The following NDUFAF6 variants were observed in gnomAD, a reference collection of about 807,000 sequenced individuals.
The protein encoded by NDUFAF6 is NADH dehydrogenase (ubiquinone) complex I, assembly factor 6.
Under a neutral mutation model 40.8 loss-of-function variants are expected in NDUFAF6, and 45 were observed. The ratio of observed to expected loss-of-function variants is 1.10; its 90% CI spans 0.87 to 1.42. The LOEUF (loss-of-function observed/expected upper bound fraction) is 1.42, where lower values mean the gene tolerates loss of function less well. NDUFAF6 is among the 40% of genes most tolerant of loss of function. The probability of loss-of-function intolerance (pLI) is 0.00; values close to 1 mark genes in which losing one functional copy is unlikely to be tolerated. For missense variants in NDUFAF6, 435 were observed against 418.5 expected (o/e 1.04, Z -0.34); for synonymous variants, 185 against 155.9 (o/e 1.19, Z -1.39).
intron 2 of NDUFAF6, among the ~76,000 whole-genome samples, chr8:95,083,989 G>A (rs1416873247): frequency 2.6e-5 from 4 of 152,060 alleles, no homozygotes; most frequent in Non-Finnish European, 5.9e-5. Flanking sequence ...GACTTCTGTT[G>A]TAGATAAAAT....
In NDUFAF6 at chr8:95,032,022, C is replaced by T. The variant is rs34160178; in HGVS notation, c.225C>T (p.Cys75=). 1,508 of 1,614,022 alleles carry T rather than the reference C, an allele frequency of 9.3e-4. 11 individuals are homozygous for T. In the African/African-American group the frequency reaches 0.017, roughly 18 times the overall value. Residue 75 remains cysteine (C), a synonymous_variant, in exon 2 of 9, where the codon TGC becomes TGT. Coordinates refer to ENST00000396124, the MANE Select transcript of NDUFAF6 (RefSeq NM_152416.4). The part of the protein sequence containing the change: ...LRKRDYEGYL[C]SLLLPAESRS... ...AACGGGATTATGAAGGTTATTTATG[C>T]TCCCTGCTGCTCCCTGCAGAATCCC...
intron 1 of NDUFAF6, among the ~76,000 whole-genome samples, chr8:94,911,171 T>C (rs1009027432): frequency 3.3e-5 from 5 of 152,210 alleles, no homozygotes; most frequent in African/African-American, 1.2e-4. Context: ...TGTATTTGAC[T>C]TTTACAGCAA....
chr8:95,042,571 G>T (rs948138198), intron 4 of NDUFAF6, among the ~76,000 whole-genome samples: 1 of 152,164 alleles, frequency 6.6e-6, no homozygotes, highest in African/African-American at 2.4e-5. Flanking sequence ...AACAAACATT[G>T]ATCTATAGAT....
chr8:95,071,405 A>G (rs75478442), intron 9 of NDUFAF6, among the ~76,000 whole-genome samples: 2 of 27,844 alleles, frequency 7.2e-5, no homozygotes, highest in Admixed American at 4.1e-4. Context: ...CTCCAAAAGA[A>G]AAAAAAAAAA....
downstream of NDUFAF6, among the ~76,000 whole-genome samples, chr8:95,107,573 A>G (rs1414487464): frequency 6.6e-6 from 1 of 152,130 alleles, no homozygotes; most frequent in Non-Finnish European, 1.5e-5. Context: ...GCACGTGTAT[A>G]CCTATGTAAC....
intron 1 of NDUFAF6, among the ~76,000 whole-genome samples, chr8:94,937,304 G>A (rs985994711): frequency 6.6e-6 from 1 of 152,080 alleles, no homozygotes; most frequent in Non-Finnish European, 1.5e-5. Context: ...ACCCAGGTAT[G>A]GTGGCGGGCG....
chr8:94,901,552 C>G (rs1818017200), intron 1 of NDUFAF6, among the ~76,000 whole-genome samples: 1 of 151,626 alleles, frequency 6.6e-6, no homozygotes, highest in Non-Finnish European at 1.5e-5. Flanking sequence ...TGGTTTTGGA[C>G]AGGTTAAATG....
In NDUFAF6 at chr8:94,959,689, C is replaced by T. The variant is rs373014139; in HGVS notation, c.-199+1510C>T. On this transcript the variant is annotated intron_variant, in intron 1 of 9. Coordinates refer to the NDUFAF6 transcript ENST00000396111. ...GGGACTACAGGTGCATACCACCATG[C>T]CAGGCTGTTATTTTTATTTTTTTTA... 3.9e-4 allele frequency among the ~76,000 whole-genome samples: 59 copies of T among 152,190 alleles called. No individual in the cohort carries two copies. In the East Asian group the frequency reaches 9.7e-3, roughly 25 times the overall value.
At chr8:95,072,079 C>T (rs1832883881) in intron 9 of NDUFAF6, 1 of 152,226 alleles carries the variant, frequency 6.6e-6, no homozygotes, top group Non-Finnish European at 1.5e-5. Flanking sequence ...TACCTTCTCA[C>T]CCCCAGAAAT....
chr8:95,115,944 C>G (rs936874527), intron 5 of NDUFAF6, among the ~76,000 whole-genome samples: 38 of 152,096 alleles, frequency 2.5e-4, no homozygotes, highest in Admixed American at 1.4e-3. Context: ...TAGAGAACAG[C>G]CTGACCAACA....
chr8:94,992,593 C>A (rs771807930), intron 2 of NDUFAF6, among the ~76,000 whole-genome samples: 1 of 152,102 alleles, frequency 6.6e-6, no homozygotes, highest in Non-Finnish European at 1.5e-5. Flanking sequence ...ACTCTTCTTC[C>A]CTTCAACCAG....
intron 2 of NDUFAF6, among the ~76,000 whole-genome samples, chr8:95,004,349 C>T (rs1328706478): frequency 2.2e-5 from 2 of 92,412 alleles, no homozygotes; most frequent in African/African-American, 4.9e-5. Flanking sequence ...CTCACCATTA[C>T]TTTTTTTTTT....
intron 9 of NDUFAF6, among the ~76,000 whole-genome samples, chr8:95,066,539 T>C (rs1832709154): frequency 6.6e-6 from 1 of 152,078 alleles, no homozygotes; most frequent in African/African-American, 2.4e-5. Flanking sequence ...TAAATCTAGG[T>C]TTTTTAAATC....
intron 2 of NDUFAF6, among the ~76,000 whole-genome samples, chr8:95,013,670 T>C (rs1259282709): frequency 1.3e-5 from 2 of 152,218 alleles, no homozygotes; most frequent in Non-Finnish European, 2.9e-5. Context: ...ACTTACATCC[T>C]AGTTATGGGG....
At chr8:94,963,942 C>G (rs1473232346) in intron 1 of NDUFAF6, among the ~76,000 whole-genome samples, 1 of 152,188 alleles carries the variant, frequency 6.6e-6, no homozygotes, top group Non-Finnish European at 1.5e-5. Context: ...TTTTCACATT[C>G]AGCCCTCATC....
At chr8:95,008,077 A>G (rs547052142) in intron 2 of NDUFAF6, among the ~76,000 whole-genome samples, 1 of 152,154 alleles carries the variant, frequency 6.6e-6, no homozygotes, top group Non-Finnish European at 1.5e-5. Context: ...ATTCCACCAA[A>G]GTATCTTTGT....
intron 2 of NDUFAF6, among the ~76,000 whole-genome samples, chr8:95,011,644 C>T (rs1827231731): frequency 6.6e-6 from 1 of 152,148 alleles, no homozygotes; most frequent in Admixed American, 6.6e-5. Flanking sequence ...TAAAGTTTTA[C>T]ATAGATCAGA....
chr8:94,971,757 T>A (rs1366758796), intron 1 of NDUFAF6, among the ~76,000 whole-genome samples: 1 of 152,066 alleles, frequency 6.6e-6, no homozygotes, highest in Non-Finnish European at 1.5e-5. Context: ...GCCAACATGA[T>A]GAAACCCCCG....
intron 2 of NDUFAF6, among the ~76,000 whole-genome samples, chr8:94,982,375 G>T (rs899939336): frequency 6.6e-6 from 1 of 152,184 alleles, no homozygotes; most frequent in African/African-American, 2.4e-5. Context: ...TCCCATATAG[G>T]TTAGGTGTGT....
Sources: allele counts gnomAD v4.1 joint callset (sites outside exome capture counted in the v4.1 genomes callset), GRCh38; gene constraint gnomAD v4.1.1; transcripts MANE v1.5; gene names NCBI Gene and HGNC (gene_info 2026-07-23, HGNC 2026-07-21).